Variants in LSM6 observed in about 807,000 individuals in gnomAD.
LSM6 encodes LSM6 homolog, U6 small nuclear RNA and mRNA degradation associated, also known as U6 snRNA-associated Sm-like protein LSm6.
In LSM6, 2 loss-of-function variants were observed where a neutral mutation model predicts 13.5. The observed-to-expected ratio is 0.15, with a 90% CI of 0.06 to 0.47. The LOEUF (loss-of-function observed/expected upper bound fraction) is 0.47, where lower values mean the gene tolerates loss of function less well. Among genes scored for constraint, LSM6 ranks in the 20% least tolerant of loss-of-function variants. LSM6 has a pLI of 0.97. For missense variants in LSM6, 58 were observed against 96.4 expected, an observed-to-expected ratio of 0.60 and a Z score of 1.67; for synonymous variants, 43 against 34.9, an observed-to-expected ratio of 1.23 and a Z score of -0.82.
At chr4:146,176,309 A>C (rs189058704) in intron 1 of LSM6, 2 of 152,402 alleles carry the variant, frequency 1.3e-5, no homozygotes, top group Admixed American at 6.5e-5. Context: ...CACAGGAATT[A>C]AAGGCTGGAC....
Position 146,177,228 on chromosome 4 carries a change from C to T in LSM6, c.-11+1417C>T, listed in dbSNP as rs1730131658. On this transcript the variant is annotated intron_variant, in intron 1 of 3. Transcript: ENST00000296581. Reference sequence around the variant, plus strand: ...AGAGCTGGGATTAGAACTCAGGTTTCCTGCCTCCCAAGTGAGTACTCTGTG... The same window carrying T: ...AGAGCTGGGATTAGAACTCAGGTTTTCTGCCTCCCAAGTGAGTACTCTGTG... 2.6e-5 allele frequency among the ~76,000 whole-genome samples: 4 copies of T among 152,166 alleles called. No individual in the cohort carries two copies. In the South Asian group the frequency reaches 8.3e-4, roughly 32 times the overall value.
At chr4:146,183,271 C>T (rs1730271208) in intron 2 of LSM6, 2 of 338,594 alleles carry the variant, frequency 5.9e-6, no homozygotes, top group African/African-American at 2.1e-5. Flanking sequence ...ATCATATGTG[C>T]CTAAATTCCC....
At position 146,177,506 on chromosome 4, in the gene LSM6, A is replaced by G. The variant is rs1730136982; in HGVS notation, c.-11+1695A>G. 2.0e-5 allele frequency among the ~76,000 whole-genome samples: 3 copies of G among 152,146 alleles called. No homozygotes were observed. In the South Asian group the frequency reaches 6.2e-4, roughly 31 times the overall value. Reference sequence around the variant, plus strand: ...GGTTCCCTATATGTTAGAATAAAACACCCCTGATTAATTATAACCTACACT... The same window carrying G: ...GGTTCCCTATATGTTAGAATAAAACGCCCCTGATTAATTATAACCTACACT... On this transcript the variant is annotated intron_variant, in intron 1 of 3. Transcript: ENST00000296581.
At chr4:146,189,012 T>G (rs75290088) in intron 3 of LSM6, among the ~76,000 whole-genome samples, 7,341 of 145,214 alleles carry the variant, frequency 0.051, 599 homozygotes, top group African/African-American at 0.18. Flanking sequence ...TTTCCTGAGA[T>G]GAAGTCTCGC....
chr4:146,190,568 C>G lies in LSM6; in HGVS notation c.*912C>G, dbSNP rs143187447. 1 of 152,358 alleles carries G rather than the reference C, an allele frequency of 6.6e-6. No homozygotes were observed. Among genetic ancestry groups the G allele is most frequent in the East Asian group, 1.9e-4 (1 of 5,190 alleles). The allele number at this position is 152,358 out of a possible 1,614,324, so 9.4% of individuals were successfully genotyped here. ...CTGTAGGGAGGCCTTTCTCAAAAAT[C>G]AGCTGTATTTGCCTTTGACATTGTC... On this transcript the variant is annotated 3_prime_UTR_variant, in exon 4 of 4. Transcript: ENST00000296581.
In LSM6 at chr4:146,187,312, C is replaced by G; in HGVS notation, c.133C>G (p.Leu45Val). 6.2e-7 allele frequency: 1 copy of G among 1,613,702 alleles called. No individual in the cohort carries two copies. Among genetic ancestry groups the G allele is most frequent in the Non-Finnish European group, 8.5e-7 (1 of 1,179,674 alleles). ...CCTGGATGGCTACATGAATATAGCC[C>G]TGGAGCAGACAGAAGAATATGTAAA... The part of the protein sequence containing the change: ...ACLDGYMNIA[L>V]EQTEEYVNGQ... The change falls in exon 3 of 4, where the codon CTG becomes GTG. Residue 45 changes from leucine to valine, a missense_variant. Physicochemically the swap from Leu to Val is conservative, Grantham distance 32. Transcript: ENST00000296581.
Position 146,182,704 on chromosome 4 carries a change from C to T in LSM6, c.-10-208C>T, listed in dbSNP as rs188720955. Among the ~76,000 whole-genome samples, 308 of 152,320 alleles carry T rather than the reference C, an allele frequency of 2.0e-3. 3 individuals carry two copies. The highest frequency in any genetic ancestry group is 7.0e-3 in the African/African-American group (293 of 41,566). On this transcript the variant is annotated intron_variant, in intron 1 of 3. Coordinates refer to ENST00000296581, the MANE Select transcript of LSM6 (RefSeq NM_007080.3). ...TGTTGTGGGTACTGATAAGATAATG[C>T]ATGTAGAATGTTTAGCTTAGTATCT...
At chr4:146,180,162 A>C (rs1730201776) in intron 1 of LSM6, among the ~76,000 whole-genome samples, 1 of 152,224 alleles carries the variant, frequency 6.6e-6, no homozygotes, top group Admixed American at 6.5e-5. Context: ...TGATCTGCCA[A>C]GCCTGGGGTA....
chr4:146,176,554 C>T (rs1037035584), intron 1 of LSM6: 1 of 152,116 alleles, frequency 6.6e-6, no homozygotes, highest in Non-Finnish European at 1.5e-5. Context: ...ATTCACTGAA[C>T]CCTTTCACCT....
At chr4:146,185,622 A>T (rs966730631) in intron 2 of LSM6, among the ~76,000 whole-genome samples, 1 of 150,560 alleles carries the variant, frequency 6.6e-6, no homozygotes. Context: ...AAAGGGTTGT[A>T]TTTCTAACCC....
intron 2 of LSM6, among the ~76,000 whole-genome samples, 156 bp from the exon 3 acceptor site, chr4:146,187,118 T>TACC (rs1730367020): frequency 2.0e-5 from 3 of 152,242 alleles, no homozygotes; most frequent in African/African-American, 7.2e-5. Flanking sequence ...AGAGTTGTTT[T>TACC]GTGCTTAAGC....
chr4:146,182,752 C>T lies in LSM6; in HGVS notation c.-10-160C>T, dbSNP rs141829749. 5.9e-5 allele frequency among the ~76,000 whole-genome samples: 9 copies of T among 152,348 alleles called. No individual in the cohort carries two copies. The East Asian group carries it at 1.7e-3, about 29-fold the overall frequency. On this transcript the variant is annotated intron_variant, in intron 1 of 3. Transcript: ENST00000296581. Reference sequence around the variant, plus strand: ...TCTGGCTCATAGTAAGTACTGAAAACATGTTAGCTGTCATGTAGTAGCAGT... The same window carrying T: ...TCTGGCTCATAGTAAGTACTGAAAATATGTTAGCTGTCATGTAGTAGCAGT...
At chr4:146,176,033 G>A (rs1730097898) in intron 1 of LSM6, 1 of 152,448 alleles carries the variant, frequency 6.6e-6, no homozygotes. Context: ...CGCATGGAAT[G>A]GCTGGGAGAG....
At position 146,182,998 on chromosome 4, in the gene LSM6, C is replaced by T. The variant is rs1487237428; in HGVS notation, c.77C>T (p.Ser26Phe). 1 of 1,610,844 alleles carries T rather than the reference C, an allele frequency of 6.2e-7. No individual in the cohort carries two copies. Among genetic ancestry groups the T allele is most frequent in the South Asian group, 1.1e-5 (1 of 90,984 alleles). The change falls in exon 2 of 4, where the codon TCT (serine) becomes TTT (phenylalanine). Residue 26 changes from serine (S) to phenylalanine (F), a missense_variant. By Grantham distance (155) the Ser-to-Phe change is radical (BLOSUM62 -2). Coordinates refer to ENST00000296581, the MANE Select transcript of LSM6 (RefSeq NM_007080.3). ...IGRPVVVKLN[S>F]GVDYRGVLAC... Reference sequence around the variant, plus strand: ...CGACCAGTTGTGGTAAAATTAAATTCTGGAGTGGATTATCGAGGTAATATT... The same window carrying T: ...CGACCAGTTGTGGTAAAATTAAATTTTGGAGTGGATTATCGAGGTAATATT...
intron 1 of LSM6, 89 bp downstream of exon 1, chr4:146,175,900 G>T (rs1345947127): frequency 6.6e-6 from 1 of 152,364 alleles, no homozygotes; most frequent in Non-Finnish European, 1.5e-5. Context: ...GTGGAGCGGC[G>T]GCTGCAGCGG....
chr4:146,183,465 C>G (rs1007132564), intron 2 of LSM6: 4 of 143,882 alleles, frequency 2.8e-5, no homozygotes, highest in Admixed American at 2.0e-4. Context: ...GGGTGAGACT[C>G]TGTCTCAAAA....
rs1303228976 is a variant in LSM6 at position 146,191,389 on chromosome 4, A to G, written c.*1733A>G. On this transcript the variant is annotated 3_prime_UTR_variant, in exon 4 of 4. Transcript: ENST00000296581. ...TCCCTGACCTCGCCTTTGATATATAAGTCTTTATTTTCCCCTTGCCATCTC... is the reference window on the plus strand; with the variant it reads ...TCCCTGACCTCGCCTTTGATATATAGGTCTTTATTTTCCCCTTGCCATCTC... 1 of 152,146 alleles carries G rather than the reference A, an allele frequency of 6.6e-6. No homozygotes were observed. Among genetic ancestry groups the G allele is most frequent in the Non-Finnish European group, 1.5e-5 (1 of 68,026 alleles). 9.4% of individuals were successfully genotyped at this position (152,146 alleles called of 1,614,324 possible).
chr4:146,178,519 T>G (rs957151558), intron 1 of LSM6, among the ~76,000 whole-genome samples: 2 of 152,242 alleles, frequency 1.3e-5, no homozygotes, highest in African/African-American at 4.8e-5. Flanking sequence ...CAGACACTGA[T>G]CTATTAGTCT....
intron 2 of LSM6, among the ~76,000 whole-genome samples, chr4:146,183,870 C>CTTTTT (rs1206702736): frequency 1.3e-4 from 15 of 117,484 alleles, no homozygotes; most frequent in Non-Finnish European, 1.9e-4. Context: ...GGGTAATTTT[C>CTTTTT]TTTTTTTTTT....
Sources: gnomAD v4.1 joint callset for allele counts (sites outside exome capture counted in the v4.1 genomes callset) on GRCh38, gnomAD v4.1.1 for gene constraint, MANE v1.5 for transcripts, NCBI Gene and HGNC (gene_info 2026-07-23, HGNC 2026-07-21) for gene names.